Variants in DYRK3 observed in about 807,000 individuals in gnomAD.
DYRK3 encodes dual specificity tyrosine-phosphorylation-regulated kinase 3.
A neutral mutation model predicts 40.8 loss-of-function variants in DYRK3; 30 were observed. That is an observed-to-expected ratio of 0.74 (90% confidence interval 0.55 to 1.00). The LOEUF (loss-of-function observed/expected upper bound fraction) is 1.00, where lower values mean the gene tolerates loss of function less well. Ranked by LOEUF, DYRK3 falls within the 50% of genes least tolerant of loss-of-function variation. The pLI is 0.00. For missense variants in DYRK3, 699 were observed against 731.5 expected (o/e 0.96, Z 0.51); for synonymous variants, 272 against 260.7 (o/e 1.04, Z -0.42).
At position 206,646,075 on chromosome 1, in the gene DYRK3, T is replaced by C. The variant is rs568316249; in HGVS notation, c.190-1313T>C. Among the ~76,000 whole-genome samples, 10 of 152,158 alleles carry C rather than the reference T, an allele frequency of 6.6e-5. 1 individual carries two copies. Among genetic ancestry groups the C allele is most frequent in the African/African-American group, 2.4e-4 (10 of 41,536 alleles). On this transcript the variant is annotated intron_variant, in intron 2 of 2. Transcript: ENST00000367109. The stretch of plus-strand genomic sequence containing the variant: ...ATGTTGGCCAAGCTGGTATCGAACT[T>C]CTAACCTCAAGTGATCCACCTGCCT...
At chr1:206,636,149 T>C (rs934072811) in intron 1 of DYRK3, 3 of 1,087,492 alleles carry the variant, frequency 2.8e-6, no homozygotes, top group Non-Finnish European at 3.9e-6. Context: ...AGAAGCCCTG[T>C]TGCTTAGAGC....
chr1:206,641,723 A>G (rs1433827217), intron 2 of DYRK3, among the ~76,000 whole-genome samples: 1 of 150,546 alleles, frequency 6.6e-6, no homozygotes, highest in Non-Finnish European at 1.5e-5. Flanking sequence ...CTGGCTAGCC[A>G]TATGTAGAAA....
At chr1:206,635,849 G>T (rs1474965879) in intron 1 of DYRK3, 69 bp downstream of exon 1, 1 of 1,240,564 alleles carries the variant, frequency 8.1e-7, no homozygotes, top group South Asian at 3.7e-5. Context: ...AGCGAAGCTT[G>T]GGGGTGGGGA....
intron 2 of DYRK3, among the ~76,000 whole-genome samples, chr1:206,640,769 C>G (rs1289537989): frequency 6.6e-6 from 1 of 152,062 alleles, no homozygotes; most frequent in African/African-American, 2.4e-5. Context: ...CCAGGATGGT[C>G]TCGATCTCTT....
intron 2 of DYRK3, among the ~76,000 whole-genome samples, chr1:206,639,499 A>T (rs1221624483): frequency 1.6e-5 from 2 of 127,264 alleles, no homozygotes; most frequent in African/African-American, 6.2e-5. Context: ...ATGGACTCTC[A>T]CTCTGTCACC....
At chr1:206,643,397 T>C (rs782687694) in intron 2 of DYRK3, among the ~76,000 whole-genome samples, 4 of 152,226 alleles carry the variant, frequency 2.6e-5, no homozygotes, top group Non-Finnish European at 4.4e-5. Context: ...TCTGTTCTTA[T>C]TAATGTTGTG....
chr1:206,644,030 G>GTTTTTTTTTTTTT (rs1558557214), intron 2 of DYRK3, among the ~76,000 whole-genome samples: 2 of 88,072 alleles, frequency 2.3e-5, no homozygotes, highest in Non-Finnish European at 5.2e-5. Flanking sequence ...GGGACCTACA[G>GTTTTTTTTTTTTT]CTTTTTTTTT....
Position 206,648,134 on chromosome 1 carries a change from A to G in DYRK3, c.936A>G (p.Val312=), listed in dbSNP as rs1305285667. 3.1e-6 allele frequency: 5 copies of G among 1,614,136 alleles called. No individual in the cohort carries two copies. Among genetic ancestry groups the G allele is most frequent in the Non-Finnish European group, 4.2e-6 (5 of 1,180,024 alleles). The change falls in exon 3 of 3, where the codon GTA becomes GTG. Residue 312 remains valine (V), a synonymous_variant. Transcript: ENST00000367109. ...TTCAGGGTTTTAGCGTCCAGTTGGT[A>G]CGCAAGTTTGCCCAGTCCATCTTGC... ...NKFQGFSVQL[V]RKFAQSILQS...
In DYRK3 at chr1:206,650,438, A is replaced by G. The variant is rs565153712; in HGVS notation, c.*1473A>G. On this transcript the variant is annotated 3_prime_UTR_variant, in exon 3 of 3. Transcript: ENST00000367109. ...AAAAATTAGCCAGGCCTAGTGGCAC[A>G]TGCCTGTAATCCCAGCTACTTGGGA... Among the ~76,000 whole-genome samples, 21 of 152,326 alleles carry G rather than the reference A, an allele frequency of 1.4e-4. No homozygotes were observed. Among genetic ancestry groups the G allele is most frequent in the African/African-American group, 4.6e-4 (19 of 41,560 alleles).
chr1:206,639,070 A>G (rs1553418866), intron 2 of DYRK3, among the ~76,000 whole-genome samples: 1 of 151,614 alleles, frequency 6.6e-6, no homozygotes, highest in African/African-American at 2.4e-5. Context: ...TAGTAGAGAC[A>G]GGGTTTCACC....
Position 206,649,637 on chromosome 1 carries a change from C to G in DYRK3, c.*672C>G, listed in dbSNP as rs1553421055. On this transcript the variant is annotated 3_prime_UTR_variant, in exon 3 of 3. Coordinates refer to ENST00000367109, the MANE Select transcript of DYRK3 (RefSeq NM_003582.4). ...AAGCCTTACCACTTTACTAAATAACCCTGTAAGGTACTGATTTAAAAACTG... is the reference window on the plus strand; with the variant it reads ...AAGCCTTACCACTTTACTAAATAACGCTGTAAGGTACTGATTTAAAAACTG... Among the ~76,000 whole-genome samples, 1 of 152,200 alleles carries G rather than the reference C, an allele frequency of 6.6e-6. No homozygotes were observed.
At chr1:206,637,841 T>C (rs1329313001) in intron 2 of DYRK3, 80 bp downstream of exon 2, 13 of 1,094,844 alleles carry the variant, frequency 1.2e-5, no homozygotes, top group East Asian at 5.0e-5. Context: ...GGTACACTTA[T>C]GTATCACTGA....
chr1:206,635,826 G>A, intron 1 of DYRK3, 46 bp downstream of exon 1: 1 of 1,242,588 alleles, frequency 8.0e-7, no homozygotes, highest in Non-Finnish European at 1.0e-6. Flanking sequence ...ACAGGGAGCG[G>A]CTGGCGCTGG....
chr1:206,635,678 C>A lies in DYRK3; in HGVS notation c.-26C>A. On this transcript the variant is annotated 5_prime_UTR_variant, in exon 1 of 3. Coordinates refer to ENST00000367109, the MANE Select transcript of DYRK3 (RefSeq NM_003582.4). ...GACCGGACCCCCAACTGGCGCCTCT[C>A]CCCGCGCGGGGTCCCGAGCTAGGAG... The A allele has an allele frequency of 8.0e-7, 1 of 1,245,764 alleles. No homozygotes were observed. Among genetic ancestry groups the A allele is most frequent in the South Asian group, 4.0e-5 (1 of 25,050 alleles). 77.2% of individuals were successfully genotyped at this position (1,245,764 alleles called of 1,614,324 possible). A position where few individuals can be genotyped will look rare whatever the true frequency, so the allele number is the denominator to read the frequency against.
chr1:206,653,051 T>G lies in DYRK3; in HGVS notation c.*4086T>G, dbSNP rs1224642670. 2.6e-5 allele frequency among the ~76,000 whole-genome samples: 4 copies of G among 152,196 alleles called. No homozygotes were observed. The highest frequency in any genetic ancestry group is 9.6e-5 in the African/African-American group (4 of 41,454). ...TATTTTTTCTTTTTGAGACAGAGTC[T>G]CGCTCTGTCGTCCAGGCTGGAGTGA... On this transcript the variant is annotated 3_prime_UTR_variant, in exon 3 of 3. Coordinates refer to ENST00000367109, the MANE Select transcript of DYRK3 (RefSeq NM_003582.4).
chr1:206,647,664 G>C lies in DYRK3; in HGVS notation c.466G>C (p.Ala156Pro). The C allele has an allele frequency of 1.2e-6, 2 of 1,614,104 alleles. No individual in the cohort carries two copies. Among genetic ancestry groups the C allele is most frequent in the Non-Finnish European group, 1.7e-6 (2 of 1,180,014 alleles). The change falls in exon 3 of 3, where the codon GCC becomes CCC. Residue 156 changes from alanine (A) to proline (P), a missense_variant. Ala to Pro is a conservative substitution (Grantham distance 27). Transcript: ENST00000367109. ...GAAGCAATATAAACACCACCTCACT[G>C]CCTATGAGAAACTGGAAATAATTAA... ...ALKQYKHHLTAYEKLEIINYP... is the reference protein window; with the variant it reads ...ALKQYKHHLTPYEKLEIINYP...
intron 2 of DYRK3, among the ~76,000 whole-genome samples, chr1:206,641,165 T>C (rs1671278487): frequency 1.3e-5 from 2 of 152,102 alleles, no homozygotes; most frequent in South Asian, 4.2e-4. Flanking sequence ...TCTGAGATTT[T>C]GGTGCACCCA....
Position 206,647,408 on chromosome 1 carries a change from A to G in DYRK3, c.210A>G (p.Thr70=), listed in dbSNP as rs1671485471. The change falls in exon 3 of 3, where the codon ACA becomes ACG. Residue 70 remains threonine (T), a synonymous_variant. Transcript: ENST00000367109. ...CATAGATGACCACTGAGCAGTTTAC[A>G]GGAGATCATACTCAGCACTTTTTGG... ...RRLNMTTEQF[T]GDHTQHFLDG... 7.4e-6 allele frequency: 12 copies of G among 1,612,200 alleles called. No homozygotes were observed. In the East Asian group the frequency reaches 2.7e-4, roughly 36 times the overall value.
Position 206,653,489 on chromosome 1 carries a change from A to G in DYRK3, c.*4524A>G, listed in dbSNP as rs568758325. ...GCTTCAAATGGGAGTGTGTCTTCAT[A>G]TTGTTCTGAATTAACAGATTTTGAT... On this transcript the variant is annotated 3_prime_UTR_variant, in exon 3 of 3. Coordinates refer to ENST00000367109, the MANE Select transcript of DYRK3 (RefSeq NM_003582.4). Among the ~76,000 whole-genome samples the G allele has an allele frequency of 2.0e-4, 31 of 152,270 alleles. No individual in the cohort carries two copies. The South Asian group carries it at 6.4e-3, about 32-fold the overall frequency.
Sources: gnomAD v4.1 joint callset for allele counts (sites outside exome capture counted in the v4.1 genomes callset) on GRCh38, gnomAD v4.1.1 for gene constraint, MANE v1.5 for transcripts, NCBI Gene and HGNC (gene_info 2026-07-23, HGNC 2026-07-21) for gene names.